SHISA7: variants seen among roughly 807,000 people sequenced by gnomAD.
The protein encoded by SHISA7 is protein shisa-7.
A neutral mutation model predicts 23.9 loss-of-function variants in SHISA7; 6 were observed. The observed-to-expected ratio is 0.25, with a 90% CI of 0.14 to 0.50. The LOEUF (loss-of-function observed/expected upper bound fraction) is 0.50. Ranked by LOEUF, SHISA7 falls within the 20% of genes least tolerant of loss-of-function variation. SHISA7 has a pLI of 0.98. For missense variants in SHISA7, 671 were observed against 801.1 expected (o/e 0.84, Z 1.96); for synonymous variants, 386 against 398.3 (o/e 0.97, Z 0.37).
rs1267870944 is a variant in SHISA7 at position 55,433,615 on chromosome 19, C to T, written c.1158G>A (p.Gln386=). ...PAPNPRRVMS[Q]EHLLGDGGRS... is the part of the protein sequence containing the mutation. Reference sequence around the variant, plus strand: ...GGCCACCATCGCCCAGCAGGTGCTCCTGGGACATGACCCGCCGGGGGTTGG... The same window carrying T: ...GGCCACCATCGCCCAGCAGGTGCTCTTGGGACATGACCCGCCGGGGGTTGG... The change falls in exon 4 of 4, where the codon CAG becomes CAA. Residue 386 remains glutamine (Q), a synonymous_variant. Coordinates refer to ENST00000376325, the MANE Select transcript of SHISA7 (RefSeq NM_001145176.2). This position sits in a 1 kb window ranked among gnomAD's most constrained non-coding sequence, Gnocchi z 8.4. The T allele has an allele frequency of 4.0e-6, 6 of 1,494,404 alleles. No homozygotes were observed. The highest frequency in any genetic ancestry group is 2.9e-5 in the African/African-American group (2 of 68,504). 92.6% of individuals were successfully genotyped at this position (1,494,404 alleles called of 1,614,324 possible).
In SHISA7 at chr19:55,428,773, AAGTCGC is replaced by A. The variant is rs1466687095; in HGVS notation, c.*4377_*4382del. On this transcript the variant is annotated 3_prime_UTR_variant, in exon 4 of 4. Transcript: ENST00000376325. ...ATGTCTATTTATTCCAAAAAATACC[AAGTCGC>A]AGCTCCTCTGGCTGTCCTCACCAGG... The A allele has an allele frequency of 6.6e-5, 10 of 152,210 alleles. No homozygotes were observed. The highest frequency in any genetic ancestry group is 2.4e-4 in the African/African-American group (10 of 41,430). 9.4% of individuals were successfully genotyped at this position (152,210 alleles called of 1,614,324 possible). A position where few individuals can be genotyped will look rare whatever the true frequency, so the allele number is the denominator to read the frequency against.
intron 1 of SHISA7, among the ~76,000 whole-genome samples, chr19:55,441,567 C>T (rs1359602786): frequency 6.6e-6 from 1 of 152,226 alleles, no homozygotes; most frequent in Admixed American, 6.5e-5. Flanking sequence ...TTCGGGTCTC[C>T]GTTCAGAGGC....
intron 2 of SHISA7, among the ~76,000 whole-genome samples, 159 bp from the exon 3 acceptor site, chr19:55,437,913 C>T (rs1415801216): frequency 1.4e-5 from 2 of 141,580 alleles, no homozygotes; most frequent in African/African-American, 2.7e-5. Context: ...CCACCTCAGA[C>T]CCAGGAATTC....
At position 55,442,514 on chromosome 19, in the gene SHISA7, TCACAGCAGAAGCGGTAGTGGCAGGTGC is replaced by T. The variant is rs1468937967; in HGVS notation, c.323_349del (p.Gly108_Cys116del). ...CTGCGCCAGGCGCATGTGACGGTGCTCACAGCAGAAGCGGTAGTGGCAGGTGCCACAGCAGAAGCGGTAGGAGCCGGT... is the reference window on the plus strand; with the variant it reads ...CTGCGCCAGGCGCATGTGACGGTGCTCACAGCAGAAGCGGTAGGAGCCGGT... On this transcript the variant is annotated inframe_deletion, in exon 1 of 4. Coordinates refer to ENST00000376325, the MANE Select transcript of SHISA7 (RefSeq NM_001145176.2). 7 of 1,478,554 alleles carry T rather than the reference TCACAGCAGAAGCGGTAGTGGCAGGTGC, an allele frequency of 4.7e-6. No individual in the cohort carries two copies. The highest frequency in any genetic ancestry group is 3.0e-5 in the East Asian group (1 of 33,454). The allele number at this position is 1,478,554 out of a possible 1,614,324, so 91.6% of individuals were successfully genotyped here.
At chr19:55,434,700 T>C (rs917017192) in intron 3 of SHISA7, among the ~76,000 whole-genome samples, 12 of 116,864 alleles carry the variant, frequency 1.0e-4, no homozygotes, top group Non-Finnish European at 7.0e-5. Flanking sequence ...ATGGTGCGTG[T>C]GTGTGGTGTG....
chr19:55,432,954 C>T lies in SHISA7; in HGVS notation c.*202G>A. 1 of 625,346 alleles carries T rather than the reference C, an allele frequency of 1.6e-6. No homozygotes were observed. The highest frequency in any genetic ancestry group is 2.3e-5 in the South Asian group (1 of 44,434). The allele number at this position is 625,346 out of a possible 1,614,324, so 38.7% of individuals were successfully genotyped here. On this transcript the variant is annotated 3_prime_UTR_variant, in exon 4 of 4. Transcript: ENST00000376325. This position sits in a 1 kb window ranked among gnomAD's most constrained non-coding sequence, Gnocchi z 4.6. The stretch of plus-strand genomic sequence containing the variant: ...CCGGCCTCTTCCTCTGGGATGACAT[C>T]ATGGGAAGGAGGCCTTGGCTCAAGC...
intron 3 of SHISA7, among the ~76,000 whole-genome samples, chr19:55,434,709 T>C (rs554302109): frequency 0.028 from 2,840 of 100,434 alleles, 53 homozygotes; most frequent in Middle Eastern, 0.05. Context: ...GTGTGTGGTG[T>C]GGGTGTGTGG....
In SHISA7 at chr19:55,433,087, C is replaced by T; in HGVS notation, c.*69G>A. ...CCCCAGGCCCCTGGCATGTGTGCGCCTGTGTCGGGGGATCCAGGCTGGGAC... is the reference window on the plus strand; with the variant it reads ...CCCCAGGCCCCTGGCATGTGTGCGCTTGTGTCGGGGGATCCAGGCTGGGAC... On this transcript the variant is annotated 3_prime_UTR_variant, in exon 4 of 4. Coordinates refer to ENST00000376325, the MANE Select transcript of SHISA7 (RefSeq NM_001145176.2). This position sits in a 1 kb window ranked among gnomAD's most constrained non-coding sequence, Gnocchi z 8.4. The T allele has an allele frequency of 6.9e-7, 1 of 1,456,042 alleles. No homozygotes were observed. The highest frequency in any genetic ancestry group is 9.0e-7 in the Non-Finnish European group (1 of 1,111,038). The allele number at this position is 1,456,042 out of a possible 1,614,324, so 90.2% of individuals were successfully genotyped here.
At position 55,440,599 on chromosome 19, in the gene SHISA7, C is replaced by G. The variant is rs966616343; in HGVS notation, c.826+12G>C. The stretch of plus-strand genomic sequence containing the variant: ...GAGACGGAGGCTGCGCCGGATCCCA[C>G]GTTCCACTCACCGAGGTTGGGGGTC... On this transcript the variant is annotated intron_variant, in intron 2 of 3. Transcript: ENST00000376325. 2 of 1,249,520 alleles carry G rather than the reference C, an allele frequency of 1.6e-6. No individual in the cohort carries two copies. Among genetic ancestry groups the G allele is most frequent in the Admixed American group, 4.2e-5 (1 of 23,702 alleles). The allele number at this position is 1,249,520 out of a possible 1,614,324, so 77.4% of individuals were successfully genotyped here.
At chr19:55,435,095 TGTGTATG>T in intron 3 of SHISA7, among the ~76,000 whole-genome samples, 1 of 69,000 alleles carries the variant, frequency 1.4e-5, no homozygotes, top group Non-Finnish European at 3.2e-5. Flanking sequence ...GTGTGGTGTG[TGTGTATG>T]GTGTGTGTGT....
At position 55,442,928 on chromosome 19, in the gene SHISA7, G is replaced by A. The variant is rs1397769170; in HGVS notation, c.-65C>T. 9 of 1,136,198 alleles carry A rather than the reference G, an allele frequency of 7.9e-6. No homozygotes were observed. Among genetic ancestry groups the A allele is most frequent in the Non-Finnish European group, 9.9e-6 (9 of 911,060 alleles). 70.4% of individuals were successfully genotyped at this position (1,136,198 alleles called of 1,614,324 possible). Reference sequence around the variant, plus strand: ...GGAGAACGAGAGCAGAGGTTGGAGCGCTGGGCGGGAGAGAAACGGTCAGAG... The same window carrying A: ...GGAGAACGAGAGCAGAGGTTGGAGCACTGGGCGGGAGAGAAACGGTCAGAG... On this transcript the variant is annotated 5_prime_UTR_variant, in exon 1 of 4. Transcript: ENST00000376325.
chr19:55,437,510 T>C (rs941051065), intron 3 of SHISA7, 95 bp downstream of exon 3: 117 of 1,398,630 alleles, frequency 8.4e-5, no homozygotes, highest in African/African-American at 4.6e-4. Flanking sequence ...AGCTAAACCA[T>C]TGGAAGGCTC....
chr19:55,431,307 T>TC lies in SHISA7; in HGVS notation c.*1848dup, dbSNP rs1985200301. 6.6e-6 allele frequency: 1 copy of TC among 152,112 alleles called. No individual in the cohort carries two copies. The highest frequency in any genetic ancestry group is 1.5e-5 in the Non-Finnish European group (1 of 68,030). The allele number at this position is 152,112 out of a possible 1,614,324, so 9.4% of individuals were successfully genotyped here. ...TTATGGGAAATGGTGGAATCATCAG[T>TC]CCTAGTGGATTTCAGTAGAGGATGT... On this transcript the variant is annotated 3_prime_UTR_variant, in exon 4 of 4. Coordinates refer to ENST00000376325, the MANE Select transcript of SHISA7 (RefSeq NM_001145176.2).
At chr19:55,437,458 C>T (rs1190924858) in intron 3 of SHISA7, 147 bp downstream of exon 3, 1 of 1,055,742 alleles carries the variant, frequency 9.5e-7, no homozygotes, top group Non-Finnish European at 1.3e-6. Flanking sequence ...AAAAGTACCA[C>T]AGGTAATTCC....
At position 55,433,040 on chromosome 19, in the gene SHISA7, C is replaced by T; in HGVS notation, c.*116G>A. 1 of 1,272,868 alleles carries T rather than the reference C, an allele frequency of 7.9e-7. No homozygotes were observed. The highest frequency in any genetic ancestry group is 1.0e-6 in the Non-Finnish European group (1 of 976,028). 78.8% of individuals were successfully genotyped at this position (1,272,868 alleles called of 1,614,324 possible). On this transcript the variant is annotated 3_prime_UTR_variant, in exon 4 of 4. Transcript: ENST00000376325. This position sits in a 1 kb window ranked among gnomAD's most constrained non-coding sequence, Gnocchi z 8.4. Reference sequence around the variant, plus strand: ...GACATCCCAGAAGGAGGCTTTCACTCCTGTCCAAGGGCCGATCTGGGCCCC... The same window carrying T: ...GACATCCCAGAAGGAGGCTTTCACTTCTGTCCAAGGGCCGATCTGGGCCCC...
intron 2 of SHISA7, among the ~76,000 whole-genome samples, chr19:55,439,237 T>C (rs934669253): frequency 1.3e-5 from 2 of 152,210 alleles, no homozygotes; most frequent in Admixed American, 6.5e-5. Flanking sequence ...CCCAGCGTGG[T>C]CCTGCCACAG....
intron 3 of SHISA7, among the ~76,000 whole-genome samples, chr19:55,436,702 A>G (rs1478632989): frequency 6.6e-6 from 1 of 151,672 alleles, no homozygotes; most frequent in Non-Finnish European, 1.5e-5. Context: ...TGAGCCCAGG[A>G]GTTTGAGGCC....
intron 2 of SHISA7, 77 bp from the exon 3 acceptor site, chr19:55,437,831 T>C: frequency 6.8e-7 from 1 of 1,467,656 alleles, no homozygotes; most frequent in African/African-American, 1.4e-5. Flanking sequence ...CAGCCCCTGC[T>C]CCATCAGACC....
chr19:55,434,985 GT>G (rs945415840), intron 3 of SHISA7, among the ~76,000 whole-genome samples: 14 of 102,362 alleles, frequency 1.4e-4, no homozygotes, highest in African/African-American at 5.3e-4. Flanking sequence ...TGTGGATGGT[GT>G]GTATGGTGTG....
Sources: allele counts gnomAD v4.1 joint callset (sites outside exome capture counted in the v4.1 genomes callset), GRCh38; gene constraint gnomAD v4.1.1; non-coding constraint Gnocchi (gnomAD v3.1); transcripts MANE v1.5; gene names NCBI Gene and HGNC (gene_info 2026-07-23, HGNC 2026-07-21).